The following NSL1 variants were observed in gnomAD, a reference collection of about 807,000 sequenced individuals.
NSL1 encodes kinetochore-associated protein NSL1 homolog.
In NSL1, 11 loss-of-function variants were observed where a neutral mutation model predicts 25.4. The observed-to-expected ratio is 0.43, with a 90% CI of 0.27 to 0.72. The LOEUF (loss-of-function observed/expected upper bound fraction) is 0.72. Among genes scored for constraint, NSL1 ranks in the 30% least tolerant of loss-of-function variants. The pLI is 0.19. For synonymous variants in NSL1, 118 were observed against 120.6 expected, an observed-to-expected ratio of 0.98 and a Z score of 0.14; for missense variants, 330 against 342.7, an observed-to-expected ratio of 0.96 and a Z score of 0.29.
intron 4 of NSL1, among the ~76,000 whole-genome samples, chr1:212,777,910 T>C (rs575540667): frequency 3.3e-5 from 5 of 152,380 alleles, no homozygotes; most frequent in Admixed American, 3.3e-4. Context: ...CACTGCCCTA[T>C]GTATGCAGAA....
chr1:212,729,469 A>G lies in NSL1; in HGVS notation c.*8939T>C, dbSNP rs11120006. ...ATCATTTTACAATATTGTCTGGCAC[A>G]TGGCTGGGAAAGATCCTGAGGCTCT... On this transcript the variant is annotated 3_prime_UTR_variant, in exon 6 of 6. Transcript: ENST00000366977. 0.19 allele frequency: 190,513 copies of G among 984,972 alleles called. 19,668 individuals are homozygous for G. Among genetic ancestry groups the G allele is most frequent in the African/African-American group, 0.38 (21,882 of 57,224 alleles). 61.0% of individuals were successfully genotyped at this position (984,972 alleles called of 1,614,324 possible).
rs1047726495 is a variant in NSL1, at chr1:212,734,704, T to C, written c.*3704A>G. The stretch of plus-strand genomic sequence containing the variant: ...ACATTGTTATAACAGTAATTTGTTC[T>C]TTATTCCTGTATTCCTTCCCTGATT... On this transcript the variant is annotated 3_prime_UTR_variant, in exon 6 of 6. Transcript: ENST00000366977. 6.6e-5 allele frequency among the ~76,000 whole-genome samples: 10 copies of C among 152,230 alleles called. No individual in the cohort carries two copies. Among genetic ancestry groups the C allele is most frequent in the African/African-American group, 2.4e-4 (10 of 41,452 alleles).
chr1:212,740,044 A>G (rs1433509645), intron 4 of NSL1, among the ~76,000 whole-genome samples: 1 of 152,204 alleles, frequency 6.6e-6, no homozygotes, highest in Non-Finnish European at 1.5e-5. Context: ...ATTATCAGTA[A>G]TACTACTTTC....
chr1:212,761,470 C>T (rs963295782), intron 4 of NSL1, among the ~76,000 whole-genome samples: 1 of 152,056 alleles, frequency 6.6e-6, no homozygotes, highest in Non-Finnish European at 1.5e-5. Context: ...CAAAACCTTG[C>T]CTTTACAAAA....
intron 4 of NSL1, among the ~76,000 whole-genome samples, chr1:212,779,781 T>G (rs1482965907): frequency 4.9e-5 from 4 of 80,810 alleles, no homozygotes; most frequent in Admixed American, 1.1e-4. Flanking sequence ...GGGAGGGAGG[T>G]GGGGGGGTCA....
rs1236316517 is a variant in NSL1, at chr1:212,729,439, G to A, written c.*8969C>T. 2 of 985,250 alleles carry A rather than the reference G, an allele frequency of 2.0e-6. No individual in the cohort carries two copies. The highest frequency in any genetic ancestry group is 1.7e-5 in the African/African-American group (1 of 57,236). 61.0% of individuals were successfully genotyped at this position (985,250 alleles called of 1,614,324 possible). A position where few individuals can be genotyped will look rare whatever the true frequency, so the allele number is the denominator to read the frequency against. On this transcript the variant is annotated 3_prime_UTR_variant, in exon 6 of 6. Transcript: ENST00000366977. ...TGTGTGTAATAAAAGGTGTGGCTACGAAAAATCATTTTACAATATTGTCTG... is the reference window on the plus strand; with the variant it reads ...TGTGTGTAATAAAAGGTGTGGCTACAAAAAATCATTTTACAATATTGTCTG...
In NSL1 at chr1:212,731,920, C is replaced by T. The variant is rs1658030786; in HGVS notation, c.*6488G>A. 1 of 985,424 alleles carries T rather than the reference C, an allele frequency of 1.0e-6. No homozygotes were observed. The highest frequency in any genetic ancestry group is 1.2e-6 in the Non-Finnish European group (1 of 829,936). The allele number at this position is 985,424 out of a possible 1,614,324, so 61.0% of individuals were successfully genotyped here. A position where few individuals can be genotyped will look rare whatever the true frequency, so the allele number is the denominator to read the frequency against. ...CCCAGGACCCAGCAGCTATAAGGGC[C>T]TCCACACCCCACCTTACTGCTTTAA... On this transcript the variant is annotated 3_prime_UTR_variant, in exon 6 of 6. Coordinates refer to ENST00000366977, the MANE Select transcript of NSL1 (RefSeq NM_015471.4).
At position 212,735,177 on chromosome 1, in the gene NSL1, A is replaced by G. The variant is rs1658182544; in HGVS notation, c.*3231T>C. 1 of 397,286 alleles carries G rather than the reference A, an allele frequency of 2.5e-6. No individual in the cohort carries two copies. The highest frequency in any genetic ancestry group is 3.4e-6 in the Non-Finnish European group (1 of 292,688). 24.6% of individuals were successfully genotyped at this position (397,286 alleles called of 1,614,324 possible). On this transcript the variant is annotated 3_prime_UTR_variant, in exon 6 of 6. Coordinates refer to ENST00000366977, the MANE Select transcript of NSL1 (RefSeq NM_015471.4). ...TGGCTCAGAGACTATGCTCTTTAAG[A>G]TCTCTGACTTTTGATCATAGACAGG... is the stretch of plus-strand genomic sequence containing the variant.
At chr1:212,745,992 C>T (rs1658773380) in intron 4 of NSL1, among the ~76,000 whole-genome samples, 1 of 152,038 alleles carries the variant, frequency 6.6e-6, no homozygotes, top group Non-Finnish European at 1.5e-5. Flanking sequence ...ACAAACAAAA[C>T]AAAACAACTT....
rs1658250183 is a variant in NSL1 at position 212,736,821 on chromosome 1, A to G, written c.*1587T>C. 1.0e-6 allele frequency: 1 copy of G among 985,294 alleles called. No individual in the cohort carries two copies. The allele number at this position is 985,294 out of a possible 1,614,324, so 61.0% of individuals were successfully genotyped here. ...CTTGTTTCTCTGCTGAATACTTCAG[A>G]GCAAATCTATCATGTCATTTAAAAA... On this transcript the variant is annotated 3_prime_UTR_variant, in exon 6 of 6. Transcript: ENST00000366977.
rs1366257874 is a variant in NSL1, at chr1:212,738,426, T to A, written c.828A>T (p.Lys276Asn). Residue 276 changes from lysine to asparagine, a missense_variant, in exon 6 of 6, where the codon AAA (lysine) becomes AAT (asparagine). Physicochemically the swap from Lys to Asn is moderately conservative, Grantham distance 94. Transcript: ENST00000366977. ...QRKWYPLRPK[K>N]INLDT ...AAAGAGCTCATGTATCAAGATTAATTTTCTTTGGCCGCAATGGATACCATT... is the reference window on the plus strand; with the variant it reads ...AAAGAGCTCATGTATCAAGATTAATATTCTTTGGCCGCAATGGATACCATT... The A allele has an allele frequency of 6.2e-7, 1 of 1,611,402 alleles. No individual in the cohort carries two copies.
At position 212,739,523 on chromosome 1, in the gene NSL1, A is replaced by G. The variant is rs1423340402; in HGVS notation, c.567+11T>C. On this transcript the variant is annotated intron_variant, in intron 5 of 5. Coordinates refer to ENST00000366977, the MANE Select transcript of NSL1 (RefSeq NM_015471.4). ...GTTCATTTGATAATTTTTTTAGCAC[A>G]TAGCTTTTACCTTCATGGCTTCACT... 4 of 1,612,456 alleles carry G rather than the reference A, an allele frequency of 2.5e-6. No homozygotes were observed. Among genetic ancestry groups the G allele is most frequent in the South Asian group, 1.1e-5 (1 of 90,810 alleles).
chr1:212,744,585 A>C (rs915621439), intron 4 of NSL1, among the ~76,000 whole-genome samples: 1 of 152,216 alleles, frequency 6.6e-6, no homozygotes, highest in Non-Finnish European at 1.5e-5. Flanking sequence ...CTTTCCATCA[A>C]TTATCTTAAT....
chr1:212,766,244 G>C lies in NSL1; in HGVS notation c.499+16128C>G. On this transcript the variant is annotated intron_variant, in intron 4 of 5. Coordinates refer to ENST00000366977, the MANE Select transcript of NSL1 (RefSeq NM_015471.4). ...TCCACAGCCAACATCATGTTGAATG[G>C]GGAAAAGTTGAAAGCATTCCCGTTG... The C allele has an allele frequency of 6.1e-6, 4 of 651,264 alleles. No homozygotes were observed. In the South Asian group the frequency reaches 6.7e-5, roughly 11 times the overall value. 40.3% of individuals were successfully genotyped at this position (651,264 alleles called of 1,614,324 possible).
At chr1:212,747,389 T>C (rs1055778460) in intron 4 of NSL1, among the ~76,000 whole-genome samples, 6 of 152,222 alleles carry the variant, frequency 3.9e-5, no homozygotes, top group Non-Finnish European at 7.3e-5. Flanking sequence ...CAGAAGCTTA[T>C]GGAGAGGCCC....
chr1:212,763,535 G>C (rs967892887), intron 4 of NSL1, among the ~76,000 whole-genome samples: 2 of 152,142 alleles, frequency 1.3e-5, no homozygotes, highest in Non-Finnish European at 2.9e-5. Context: ...CTGTCATCAA[G>C]AGACTCACCT....
rs1347287659 is a variant in NSL1, at chr1:212,733,200, G to A, written c.*5208C>T. On this transcript the variant is annotated 3_prime_UTR_variant, in exon 6 of 6. Coordinates refer to ENST00000366977, the MANE Select transcript of NSL1 (RefSeq NM_015471.4). ...ACGCCTGTAATCCAGCACTTTGGGA[G>A]GCAGAGGTGGGCGGATCGCTTGAGC... 6.6e-6 allele frequency among the ~76,000 whole-genome samples: 1 copy of A among 152,180 alleles called. No homozygotes were observed. The highest frequency in any genetic ancestry group is 2.4e-5 in the African/African-American group (1 of 41,436).
chr1:212,771,038 G>A (rs1660080467), intron 4 of NSL1, among the ~76,000 whole-genome samples: 1 of 152,206 alleles, frequency 6.6e-6, no homozygotes, highest in South Asian at 2.1e-4. Flanking sequence ...AACAGGCCAG[G>A]CGCAGCAGCT....
chr1:212,746,294 TAGA>T (rs146541263), intron 4 of NSL1, among the ~76,000 whole-genome samples: 2,340 of 152,232 alleles, frequency 0.015, 61 homozygotes, highest in African/African-American at 0.054. Flanking sequence ...CAGAGCTGTA[TAGA>T]AGAAGTTCTA....
Sources: gnomAD v4.1 joint callset for allele counts (sites outside exome capture counted in the v4.1 genomes callset) on GRCh38, gnomAD v4.1.1 for gene constraint, MANE v1.5 for transcripts, NCBI Gene and HGNC (gene_info 2026-07-23, HGNC 2026-07-21) for gene names.